ANKRD27: variants seen among roughly 807,000 people sequenced by gnomAD.
The protein encoded by ANKRD27 is ankyrin repeat domain-containing protein 27.
A neutral mutation model predicts 129.7 loss-of-function variants in ANKRD27; 112 were observed. The ratio of observed to expected loss-of-function variants is 0.86; its 90% confidence interval spans 0.74 to 1.01. ANKRD27 has a LOEUF of 1.01. Ranked by LOEUF, ANKRD27 falls within the 50% of genes least tolerant of loss-of-function variation. The pLI, the probability that ANKRD27 is intolerant of heterozygous loss-of-function variation, is 0.00. For synonymous variants in ANKRD27, 516 were observed against 511.2 expected (o/e 1.01, Z -0.13); for missense variants, 1,258 against 1,300.5 (o/e 0.97, Z 0.50).
chr19:32,644,622 G>T, intron 4 of ANKRD27, 143 bp from the exon 5 acceptor site: 1 of 969,858 alleles, frequency 1.0e-6, no homozygotes, highest in Non-Finnish European at 1.5e-6. Context: ...CCAGTTACAG[G>T]ACACCCTGGA....
intron 1 of ANKRD27, among the ~76,000 whole-genome samples, chr19:32,670,039 G>A (rs187644936): frequency 9.9e-5 from 15 of 151,838 alleles, no homozygotes; most frequent in Non-Finnish European, 1.6e-4. Flanking sequence ...GGCAGGGAAG[G>A]GGATGAACTA....
chr19:32,659,066 G>T, intron 1 of ANKRD27, 21 bp from the exon 2 acceptor site: 1 of 1,254,520 alleles, frequency 8.0e-7, no homozygotes, highest in Non-Finnish European at 1.2e-6. Context: ...GGAGGGAAAA[G>T]CAGTGAATAG....
intron 22 of ANKRD27, among the ~76,000 whole-genome samples, chr19:32,610,315 T>A (rs4286210): frequency 0.59 from 88,154 of 150,438 alleles, 26,821 homozygotes; most frequent in Non-Finnish European, 0.69. Flanking sequence ...TCTCAAAAAA[T>A]AAATAAATAA....
At position 32,643,365 on chromosome 19, in the gene ANKRD27, C is replaced by G. The variant is rs78755414; in HGVS notation, c.640-13G>C. The G allele has an allele frequency of 2.0e-3, 3,262 of 1,613,934 alleles. 49 individuals carry two copies. The African/African-American group carries it at 0.034, about 17-fold the overall frequency. On this transcript the variant is annotated splice_polypyrimidine_tract_variant and intron_variant, in intron 7 of 28. Coordinates refer to ENST00000306065, the MANE Select transcript of ANKRD27 (RefSeq NM_032139.3). ...GATGGACGTATATCTGTGGAATCAACAGACCCCATTCAGGGTGTGAGCGGG... is the reference window on the plus strand; with the variant it reads ...GATGGACGTATATCTGTGGAATCAAGAGACCCCATTCAGGGTGTGAGCGGG...
At chr19:32,603,730 G>T (rs750209881) in intron 25 of ANKRD27, among the ~76,000 whole-genome samples, 12 of 151,984 alleles carry the variant, frequency 7.9e-5, no homozygotes, top group Non-Finnish European at 1.6e-4. Flanking sequence ...GTAGAGAGGG[G>T]GTCTCACTAT....
Position 32,619,289 on chromosome 19 carries a change from G to A in ANKRD27, c.1978C>T (p.Gln660Ter). The change falls in exon 20 of 29, where the codon CAG (glutamine) becomes TAG (stop). Residue 660 changes from glutamine (Q) to a stop codon, truncating the protein, a stop_gained. Transcript: ENST00000306065. LOFTEE classifies it high-confidence loss of function. ...CTGTAGTCCTTCTTGGTCTCCTCCTGCCTTGAGCTGGCTGACATGGAGGAG... is the reference window on the plus strand; with the variant it reads ...CTGTAGTCCTTCTTGGTCTCCTCCTACCTTGAGCTGGCTGACATGGAGGAG... ...SFSSMSASSR[Q>*]EETKKDYREV... The A allele has an allele frequency of 6.2e-7, 1 of 1,613,784 alleles. No individual in the cohort carries two copies. The highest frequency in any genetic ancestry group is 8.5e-7 in the Non-Finnish European group (1 of 1,179,950).
rs1384628076 is a variant in ANKRD27, at chr19:32,653,729, T to TGGCGGG, written c.103-3943_103-3938dup. Among the ~76,000 whole-genome samples the TGGCGGG allele has an allele frequency of 2.7e-3, 22 of 8,194 alleles. No homozygotes were observed. The East Asian group carries it at 0.051, about 19-fold the overall frequency. The allele number at this position is 8,194 out of a possible 152,430, so 5.4% of individuals were successfully genotyped here. ...AAGGAAGGCGCTTCGAGGCGTGGCG[T>TGGCGGG]GGCGGGGGCGGGGACGGGGTGGGGG... On this transcript the variant is annotated intron_variant, in intron 2 of 28. Coordinates refer to ENST00000306065, the MANE Select transcript of ANKRD27 (RefSeq NM_032139.3).
intron 26 of ANKRD27, among the ~76,000 whole-genome samples, chr19:32,600,593 G>A (rs1379538957): frequency 1.3e-5 from 2 of 152,098 alleles, no homozygotes; most frequent in Non-Finnish European, 2.9e-5. Context: ...TTCATGCTCA[G>A]AAGAATCTGA....
At chr19:32,639,532 C>A in intron 11 of ANKRD27, 44 bp from the exon 12 acceptor site, 2 of 1,586,992 alleles carry the variant, frequency 1.3e-6, no homozygotes, top group South Asian at 1.1e-5. Context: ...CTATCCAAGT[C>A]ACACTTCTGC....
At chr19:32,650,057 C>T (rs1169287852) in intron 2 of ANKRD27, among the ~76,000 whole-genome samples, 1 of 152,168 alleles carries the variant, frequency 6.6e-6, no homozygotes, top group Admixed American at 6.5e-5. Context: ...AAATCCTTCT[C>T]CACCTTCAGA....
At chr19:32,667,832 CAAAAAA>C (rs10667176) in intron 1 of ANKRD27, among the ~76,000 whole-genome samples, 1 of 134,916 alleles carries the variant, frequency 7.4e-6, no homozygotes, top group Non-Finnish European at 1.6e-5. Context: ...AACTCCGTCT[CAAAAAA>C]AAAAAAAAAA....
intron 1 of ANKRD27, among the ~76,000 whole-genome samples, chr19:32,674,467 G>A (rs1967938818): frequency 4.6e-5 from 7 of 152,034 alleles, no homozygotes; most frequent in Admixed American, 2.6e-4. Context: ...TGTGCTCCTG[G>A]GCAGTCCATT....
chr19:32,610,301 C>G (rs1314615905), intron 22 of ANKRD27, among the ~76,000 whole-genome samples: 1 of 151,270 alleles, frequency 6.6e-6, no homozygotes, highest in Non-Finnish European at 1.5e-5. Context: ...AGAGCAAGAC[C>G]CTGTCTCAAA....
At chr19:32,615,866 C>A (rs1053339677) in intron 21 of ANKRD27, 86 bp from the exon 22 acceptor site, 1 of 1,528,642 alleles carries the variant, frequency 6.5e-7, no homozygotes. Flanking sequence ...TCAACCGTTC[C>A]CAATCAGGGC....
At chr19:32,598,418 T>G in intron 28 of ANKRD27, 40 bp from the exon 29 acceptor site, 1 of 1,596,412 alleles carries the variant, frequency 6.3e-7, no homozygotes, top group Non-Finnish European at 8.6e-7. Context: ...ACGTCCTCAC[T>G]GTACTGGAAG....
intron 2 of ANKRD27, among the ~76,000 whole-genome samples, chr19:32,654,323 A>AC (rs1967479152): frequency 6.6e-6 from 1 of 152,150 alleles, no homozygotes; most frequent in Admixed American, 6.6e-5. Flanking sequence ...ACATAGTGAG[A>AC]CCCCATCTCT....
intron 2 of ANKRD27, among the ~76,000 whole-genome samples, chr19:32,650,111 C>A (rs976637983): frequency 2.0e-5 from 3 of 152,126 alleles, no homozygotes; most frequent in African/African-American, 7.2e-5. Context: ...GGGTCCCCCC[C>A]AGGCTAGTGG....
chr19:32,632,431 A>G (rs773795954), intron 12 of ANKRD27, among the ~76,000 whole-genome samples: 61 of 151,926 alleles, frequency 4.0e-4, no homozygotes, highest in Non-Finnish European at 7.1e-4. Context: ...CTAAAAATAC[A>G]AAAATTAGCC....
rs1275119480 is a variant in ANKRD27, at chr19:32,598,201, G to A, written c.3097C>T (p.Pro1033Ser). The A allele has an allele frequency of 1.2e-6, 2 of 1,614,148 alleles. No individual in the cohort carries two copies. Among genetic ancestry groups the A allele is most frequent in the Non-Finnish European group, 1.7e-6 (2 of 1,180,046 alleles). Residue 1033 changes from proline (P) to serine (S), a missense_variant, in exon 29 of 29, where the codon CCG becomes TCG. Pro to Ser is a moderately conservative substitution (Grantham distance 74, BLOSUM62 -1). Coordinates refer to ENST00000306065, the MANE Select transcript of ANKRD27 (RefSeq NM_032139.3). ...TVEDAVVSQG[P>S]EAAGPLSTPQ... ...GTGGAGAGGGGGCCAGCAGCCTCCG[G>A]GCCCTGGGACACGACCGCATCCTCT...
Sources: allele counts gnomAD v4.1 joint callset (sites outside exome capture counted in the v4.1 genomes callset), GRCh38; gene constraint gnomAD v4.1.1; transcripts MANE v1.5; gene names NCBI Gene and HGNC (gene_info 2026-07-23, HGNC 2026-07-21).